Variants in SYN3 observed in about 807,000 individuals in gnomAD.
SYN3 encodes the protein synapsin-3.
SYN3 carries 35 observed loss-of-function variants against 65.8 expected under a neutral mutation model. The ratio of observed to expected loss-of-function variants is 0.53; its 90% CI spans 0.41 to 0.70. SYN3 has a LOEUF of 0.70. Among genes scored for constraint, SYN3 ranks in the 30% least tolerant of loss-of-function variants. SYN3 has a pLI of 0.00. For synonymous variants in SYN3, 270 were observed against 292.9 expected (o/e 0.92, Z 0.80); for missense variants, 680 against 749.0 (o/e 0.91, Z 1.08).
intron 3 of SYN3, among the ~76,000 whole-genome samples, chr22:32,956,866 AC>A (rs1308134911): frequency 2.0e-5 from 3 of 152,238 alleles, no homozygotes; most frequent in Admixed American, 2.0e-4. Flanking sequence ...ACTGTTCTCC[AC>A]AGTGGCTGCC....
chr22:32,529,345 G>T (rs1044820006), intron 10 of SYN3, among the ~76,000 whole-genome samples: 11 of 152,174 alleles, frequency 7.2e-5, no homozygotes, highest in Non-Finnish European at 1.6e-4. Context: ...CCCCTCCCAG[G>T]GTCGGGGCTG....
intron 6 of SYN3, among the ~76,000 whole-genome samples, chr22:32,676,605 T>G (rs372310160): frequency 2.1e-5 from 3 of 141,512 alleles, no homozygotes; most frequent in Non-Finnish European, 1.5e-5. Flanking sequence ...TGGCACGATC[T>G]TGGCTCATGC....
intron 5 of SYN3, among the ~76,000 whole-genome samples, chr22:32,868,374 T>C (rs572840606): frequency 2.0e-5 from 3 of 151,472 alleles, no homozygotes; most frequent in Middle Eastern, 3.5e-3. Context: ...TAATATCATA[T>C]ATCATATATT....
chr22:33,027,165 C>A (rs1240633170), intron 1 of SYN3, among the ~76,000 whole-genome samples: 2 of 152,142 alleles, frequency 1.3e-5, no homozygotes, highest in Non-Finnish European at 1.5e-5. Flanking sequence ...TCATTGCTGT[C>A]ATTTACTGAG....
At chr22:32,785,339 T>C (rs1296788301) in intron 6 of SYN3, among the ~76,000 whole-genome samples, 5 of 152,184 alleles carry the variant, frequency 3.3e-5, no homozygotes, top group African/African-American at 1.2e-4. Context: ...GTTGACACCA[T>C]GCTTCCGGGT....
intron 6 of SYN3, among the ~76,000 whole-genome samples, chr22:32,741,917 A>G (rs2044782398): frequency 6.6e-6 from 1 of 152,164 alleles, no homozygotes; most frequent in Admixed American, 6.5e-5. Flanking sequence ...GAAATTAGTT[A>G]TTTGACCCAA....
intron 6 of SYN3, among the ~76,000 whole-genome samples, chr22:32,625,350 C>T (rs1233752791): frequency 6.6e-6 from 1 of 152,154 alleles, no homozygotes; most frequent in African/African-American, 2.4e-5. Context: ...ATCCATGTGC[C>T]ACGTTTCTGC....
At chr22:32,695,489 T>G (rs1172392801) in intron 6 of SYN3, among the ~76,000 whole-genome samples, 1 of 152,240 alleles carries the variant, frequency 6.6e-6, no homozygotes, top group African/African-American at 2.4e-5. Context: ...TCTCAGAATT[T>G]ATCAGATATG....
chr22:32,663,300 T>C (rs1260251757), intron 6 of SYN3, among the ~76,000 whole-genome samples: 18 of 138,240 alleles, frequency 1.3e-4, no homozygotes, highest in Non-Finnish European at 4.5e-5. Flanking sequence ...TTCTTTTCTT[T>C]TCTTCTCTTT....
chr22:33,028,836 C>T (rs571094195), intron 1 of SYN3, among the ~76,000 whole-genome samples: 6 of 152,032 alleles, frequency 3.9e-5, no homozygotes, highest in South Asian at 2.1e-4. Flanking sequence ...GTCAGGAGAT[C>T]GAGACCATCC....
intron 3 of SYN3, among the ~76,000 whole-genome samples, chr22:32,952,200 G>T (rs2051309817): frequency 1.3e-5 from 2 of 152,024 alleles, no homozygotes; most frequent in African/African-American, 4.8e-5. Context: ...CTCAGTGAAG[G>T]CCTGGCCCAC....
At chr22:32,970,417 G>T (rs2051980711) in intron 3 of SYN3, among the ~76,000 whole-genome samples, 1 of 151,656 alleles carries the variant, frequency 6.6e-6, no homozygotes, top group African/African-American at 2.4e-5. Context: ...CAAGGTGGGA[G>T]GATCACTTGA....
intron 2 of SYN3, among the ~76,000 whole-genome samples, chr22:32,992,998 G>A (rs2052766668): frequency 6.6e-6 from 1 of 152,072 alleles, no homozygotes; most frequent in South Asian, 2.1e-4. Flanking sequence ...CAGTCCTGGT[G>A]GGACTGTCCC....
At chr22:32,644,855 C>T (rs1238319682) in intron 6 of SYN3, among the ~76,000 whole-genome samples, 6 of 152,166 alleles carry the variant, frequency 3.9e-5, no homozygotes, top group East Asian at 1.9e-4. Context: ...CTGACTGTTC[C>T]GGGAAAGGGG....
At chr22:32,527,354 C>T (rs1370552383) in intron 12 of SYN3, among the ~76,000 whole-genome samples, 2 of 152,178 alleles carry the variant, frequency 1.3e-5, no homozygotes, top group South Asian at 2.1e-4. Context: ...AATCCCAGCA[C>T]TTTGGGAGGC....
chr22:32,787,809 A>T (rs2046231234), intron 6 of SYN3, among the ~76,000 whole-genome samples: 1 of 152,066 alleles, frequency 6.6e-6, no homozygotes, highest in Non-Finnish European at 1.5e-5. Flanking sequence ...GCTGCGGCAC[A>T]CCTCCCCGAG....
rs1601935052 is a variant in SYN3 at position 32,698,587 on chromosome 22, A to T, written c.712-101851T>A. ...CTCCTTAAAAGCTAGTGTTTTATAA[A>T]TAATAACTCTTGTTTGTTTTTCTTC... On this transcript the variant is annotated intron_variant, in intron 6 of 13. Transcript: ENST00000358763. Among the ~76,000 whole-genome samples the T allele has an allele frequency of 2.0e-5, 3 of 152,334 alleles. No homozygotes were observed. In the East Asian group the frequency reaches 5.8e-4, roughly 29 times the overall value.
intron 6 of SYN3, among the ~76,000 whole-genome samples, chr22:32,653,448 A>G (rs2710351): frequency 7.0e-4 from 107 of 152,350 alleles, no homozygotes; most frequent in African/African-American, 2.3e-3. Flanking sequence ...AAAGGTTTAC[A>G]AGAAAAGCAT....
chr22:32,642,547 T>C (rs918433261), intron 6 of SYN3, among the ~76,000 whole-genome samples: 1 of 151,708 alleles, frequency 6.6e-6, no homozygotes, highest in Admixed American at 6.6e-5. Flanking sequence ...TTCACGCTAT[T>C]CTCCTGCCTC....
Sources: allele counts gnomAD v4.1 joint callset (sites outside exome capture counted in the v4.1 genomes callset), GRCh38; gene constraint gnomAD v4.1.1; transcripts MANE v1.5; gene names NCBI Gene and HGNC (gene_info 2026-07-23, HGNC 2026-07-21).